The following TICRR variants were observed in gnomAD, a reference collection of about 807,000 sequenced individuals.
TICRR encodes TOPBP1 interacting checkpoint and replication regulator, also known as treslin.
Under a neutral mutation model 178.1 loss-of-function variants are expected in TICRR, and 132 were observed. The observed-to-expected ratio is 0.74, with a 90% CI of 0.64 to 0.86. The LOEUF (loss-of-function observed/expected upper bound fraction) is 0.86. Ranked by LOEUF, TICRR falls within the 40% of genes least tolerant of loss-of-function variation. TICRR has a pLI of 0.00. For missense variants in TICRR, 2,587 were observed against 2,334.3 expected (o/e 1.11, Z -2.23); for synonymous variants, 991 against 900.7 (o/e 1.10, Z -1.79).
intron 7 of TICRR, among the ~76,000 whole-genome samples, chr15:89,598,178 T>G (rs1158724306): frequency 6.6e-6 from 1 of 152,066 alleles, no homozygotes; most frequent in African/African-American, 2.4e-5. Context: ...TTTCACCGTG[T>G]TAGCCAGGAT....
Position 89,624,240 on chromosome 15 carries a change from A to G in TICRR, c.3930A>G (p.Lys1310=). 1 of 1,614,178 alleles carries G rather than the reference A, an allele frequency of 6.2e-7. No individual in the cohort carries two copies. Among genetic ancestry groups the G allele is most frequent in the Non-Finnish European group, 8.5e-7 (1 of 1,180,034 alleles). ...CTTCCCCACCTGTTACGCCAAAGAA[A>G]CTGTTTACCTCTCCTTTATGTGATG... is the stretch of plus-strand genomic sequence containing the variant. ...VTSSPPVTPK[K]LFTSPLCDVS... is the part of the protein sequence containing the mutation. Residue 1310 remains lysine (K), a synonymous_variant, in exon 20 of 22, where the codon AAA becomes AAG. Coordinates refer to ENST00000268138, the MANE Select transcript of TICRR (RefSeq NM_152259.4).
intron 7 of TICRR, among the ~76,000 whole-genome samples, chr15:89,596,610 G>C (rs1475726330): frequency 6.6e-6 from 1 of 152,182 alleles, no homozygotes; most frequent in African/African-American, 2.4e-5. Flanking sequence ...GCCTCCTAAA[G>C]TGCTGGGATT....
intron 7 of TICRR, among the ~76,000 whole-genome samples, chr15:89,598,117 C>T (rs12908939): frequency 0.83 from 125,533 of 152,022 alleles, 52,609 homozygotes; most frequent in Non-Finnish European, 0.92. Context: ...CTTGTTAGTT[C>T]CAGGAGTTTT....
rs765998779 is a variant in TICRR, at chr15:89,624,635, G to T, written c.4325G>T (p.Gly1442Val). Residue 1442 changes from glycine (G) to valine (V), a missense_variant, in exon 20 of 22, where the codon GGC (glycine) becomes GTC (valine). Physicochemically the swap from Gly to Val is moderately radical, Grantham distance 109. Transcript: ENST00000268138. Reference protein sequence around the residue: ...QSPPERRGYPGPGLRSDWHAS... With the variant: ...QSPPERRGYPVPGLRSDWHAS... ...CCTCCTGAAAGACGGGGCTACCCAGGCCCTGGTCTCAGGAGTGATTGGCAT... is the reference window on the plus strand; with the variant it reads ...CCTCCTGAAAGACGGGGCTACCCAGTCCCTGGTCTCAGGAGTGATTGGCAT... The T allele has an allele frequency of 1.2e-6, 2 of 1,614,014 alleles. No individual in the cohort carries two copies. The highest frequency in any genetic ancestry group is 1.7e-6 in the Non-Finnish European group (2 of 1,180,014).
intron 1 of TICRR, 122 bp from the exon 2 acceptor site, chr15:89,582,564 A>T: frequency 1.1e-6 from 1 of 889,206 alleles, no homozygotes; most frequent in East Asian, 2.5e-5. Flanking sequence ...CAGCAAATAC[A>T]TTGGTTGTGT....
intron 18 of TICRR, 50 bp from the exon 19 acceptor site, chr15:89,621,343 G>T: frequency 6.4e-7 from 1 of 1,562,956 alleles, no homozygotes; most frequent in South Asian, 1.2e-5. Flanking sequence ...AGTATTGGAA[G>T]AACAGGAATT....
Position 89,584,621 on chromosome 15 carries a change from T to G in TICRR, c.1176+94T>G, listed in dbSNP as rs76062659. On this transcript the variant is annotated intron_variant, in intron 3 of 21. Transcript: ENST00000268138. ...TATAAATGCCCTACACAATATAGTC[T>G]TAGTAAAACTGATTATGCTTTTGCA... 7.2e-3 allele frequency: 9,040 copies of G among 1,258,178 alleles called. 494 individuals are homozygous for G. The African/African-American group carries it at 0.12, about 17-fold the overall frequency. The allele number at this position is 1,258,178 out of a possible 1,614,324, so 77.9% of individuals were successfully genotyped here.
intron 4 of TICRR, 57 bp from the exon 5 acceptor site, chr15:89,591,990 C>G: frequency 6.5e-7 from 1 of 1,541,604 alleles, no homozygotes; most frequent in South Asian, 1.2e-5. Context: ...GCTTAGAATT[C>G]TCTGCTTTGG....
At chr15:89,595,249 A>C in intron 6 of TICRR, 144 bp from the exon 7 acceptor site, 1 of 646,442 alleles carries the variant, frequency 1.5e-6, no homozygotes, top group South Asian at 2.0e-5. Flanking sequence ...GCAGAAAGAG[A>C]TGCAAGAACT....
At chr15:89,621,013 G>A (rs1200551597) in intron 18 of TICRR, among the ~76,000 whole-genome samples, 2 of 149,182 alleles carry the variant, frequency 1.3e-5, no homozygotes, top group Admixed American at 6.7e-5. Flanking sequence ...GAGCCACTGC[G>A]CCCGGCCTTG....
Position 89,625,965 on chromosome 15 carries a change from C to G in TICRR, c.5506C>G (p.Arg1836Gly). ...GSTPPPSCAV[R>G]SCLSASALQA... ...CACCCCACCTCCCAGCTGTGCCGTG[C>G]GGAGCTGCCTCTCTGCCAGTGCCCT... is the stretch of plus-strand genomic sequence containing the variant. The change falls in exon 21 of 22, where the codon CGG becomes GGG. Residue 1836 changes from arginine to glycine, a missense_variant. Arg to Gly is a moderately radical substitution (Grantham distance 125, BLOSUM62 -2). Transcript: ENST00000268138. 1 of 1,597,310 alleles carries G rather than the reference C, an allele frequency of 6.3e-7. No individual in the cohort carries two copies. Among genetic ancestry groups the G allele is most frequent in the Non-Finnish European group, 8.5e-7 (1 of 1,172,940 alleles).
At chr15:89,618,075 T>A in intron 16 of TICRR, 77 bp from the exon 17 acceptor site, 2 of 1,410,460 alleles carry the variant, frequency 1.4e-6, no homozygotes, top group South Asian at 1.2e-5. Context: ...TCTTGTTAAG[T>A]GAGAAGCTGC....
At position 89,594,484 on chromosome 15, in the gene TICRR, T is replaced by C; in HGVS notation, c.1611T>C (p.Leu537=). Residue 537 remains leucine, a synonymous_variant, in exon 6 of 22, where the codon CTT becomes CTC. Transcript: ENST00000268138. ...SKTEGELIHC[L]AELYQRKSRE... ...CTGAAGGCGAATTAATACATTGCCT[T>C]GCCGAGCTCTACCAGAGAAAATCTC... 1.2e-6 allele frequency: 2 copies of C among 1,612,524 alleles called. No homozygotes were observed. The highest frequency in any genetic ancestry group is 1.1e-5 in the South Asian group (1 of 90,972).
Position 89,576,021 on chromosome 15 carries a change from C to A in TICRR, c.435C>A (p.Ala145=). ...AGAGCGAGGCCAAGGAGGCCGAGGCCGCGCTCGGGGGCTTGGTGAACGCCG... is the reference window on the plus strand; with the variant it reads ...AGAGCGAGGCCAAGGAGGCCGAGGCAGCGCTCGGGGGCTTGGTGAACGCCG... The part of the protein sequence containing the change: ...DVESEAKEAE[A]ALGGLVNAVF... The change falls in exon 1 of 22, where the codon GCC becomes GCA. Residue 145 remains alanine (A), a synonymous_variant. Coordinates refer to ENST00000268138, the MANE Select transcript of TICRR (RefSeq NM_152259.4). 1 of 1,609,410 alleles carries A rather than the reference C, an allele frequency of 6.2e-7. No homozygotes were observed. Among genetic ancestry groups the A allele is most frequent in the Non-Finnish European group, 8.5e-7 (1 of 1,178,750 alleles).
chr15:89,575,506 G>A lies in TICRR; in HGVS notation c.-81G>A, dbSNP rs1041921722. The stretch of plus-strand genomic sequence containing the variant: ...AGGGTCCCAAAGGAAAGCAGTGAGT[G>A]GTGCTGTTTCCCTGAAGGAAGGGAC... On this transcript the variant is annotated 5_prime_UTR_variant, in exon 1 of 22. Coordinates refer to ENST00000268138, the MANE Select transcript of TICRR (RefSeq NM_152259.4). The A allele has an allele frequency of 7.6e-7, 1 of 1,315,198 alleles. No homozygotes were observed. The highest frequency in any genetic ancestry group is 1.0e-6 in the Non-Finnish European group (1 of 999,446). The allele number at this position is 1,315,198 out of a possible 1,614,324, so 81.5% of individuals were successfully genotyped here.
chr15:89,606,728 G>T, intron 13 of TICRR, 40 bp from the exon 14 acceptor site: 1 of 1,513,364 alleles, frequency 6.6e-7, no homozygotes, highest in Non-Finnish European at 9.2e-7. Context: ...TTCAATGAAT[G>T]CCTATTTAAA....
intron 7 of TICRR, among the ~76,000 whole-genome samples, chr15:89,598,595 C>T (rs944560075): frequency 1.3e-5 from 2 of 151,654 alleles, no homozygotes; most frequent in African/African-American, 4.8e-5. Flanking sequence ...AACTCCTGAC[C>T]TCAGGTGATC....
In TICRR at chr15:89,625,268, C is replaced by G; in HGVS notation, c.4958C>G (p.Pro1653Arg). 4 of 1,613,706 alleles carry G rather than the reference C, an allele frequency of 2.5e-6. No individual in the cohort carries two copies. Among genetic ancestry groups the G allele is most frequent in the Non-Finnish European group, 3.4e-6 (4 of 1,179,652 alleles). Reference protein sequence around the residue: ...ICQACTPTHGPSSTPSPFQTD... With the variant: ...ICQACTPTHGRSSTPSPFQTD... ...CAGGCCTGTACCCCCACCCACGGCC[C>G]TTCTAGTACCCCCTCTCCATTTCAA... Residue 1653 changes from proline (P) to arginine (R), a missense_variant, in exon 20 of 22, where the codon CCT becomes CGT. Physicochemically the swap from Pro to Arg is moderately radical, Grantham distance 103 (BLOSUM62 -2). Coordinates refer to ENST00000268138, the MANE Select transcript of TICRR (RefSeq NM_152259.4).
chr15:89,602,253 T>C (rs1963111012), intron 12 of TICRR, among the ~76,000 whole-genome samples: 1 of 152,210 alleles, frequency 6.6e-6, no homozygotes, highest in South Asian at 2.1e-4. Context: ...AACATCAGAG[T>C]GTGCCTACCA....
Sources: allele counts gnomAD v4.1 joint callset (sites outside exome capture counted in the v4.1 genomes callset), GRCh38; gene constraint gnomAD v4.1.1; transcripts MANE v1.5; gene names NCBI Gene and HGNC (gene_info 2026-07-23, HGNC 2026-07-21).